C10orf71: variants seen among roughly 807,000 people sequenced by gnomAD.
C10orf71 encodes the protein cardiac-enriched FHL2-interacting protein.
For synonymous variants in C10orf71, 758 were observed against 726.3 expected (o/e 1.04, Z -0.70); for missense variants, 1,869 against 1,804.5 (o/e 1.04, Z -0.65).
intron 1 of C10orf71, among the ~76,000 whole-genome samples, chr10:49,312,350 C>T (rs768426549): frequency 2.9e-4 from 44 of 152,176 alleles, no homozygotes; most frequent in Admixed American, 6.5e-5. Context: ...CCATCTGATG[C>T]AAGTTTGGCC....
chr10:49,319,731 T>TAC lies in C10orf71; in HGVS notation c.-144-2670_-144-2669insCA, dbSNP rs1432691227. On this transcript the variant is annotated intron_variant, in intron 2 of 2. Coordinates refer to ENST00000374144, the MANE Select transcript of C10orf71 (RefSeq NM_001135196.2). Reference sequence around the variant, plus strand: ...ATATATATATATATATATATATATATATACACATACATATATGTGGGTGTA... The same window carrying TAC: ...ATATATATATATATATATATATATATACATACACATACATATATGTGGGTGTA... 1.8e-3 allele frequency among the ~76,000 whole-genome samples: 209 copies of TAC among 119,078 alleles called. 11 individuals are homozygous for TAC. The highest frequency in any genetic ancestry group is 9.1e-3 in the Middle Eastern group (2 of 220). The allele number at this position is 119,078 out of a possible 152,430, so 78.1% of individuals were successfully genotyped here.
At chr10:49,311,363 C>A (rs1198349203) in intron 1 of C10orf71, among the ~76,000 whole-genome samples, 4 of 152,226 alleles carry the variant, frequency 2.6e-5, no homozygotes, top group Non-Finnish European at 5.9e-5. Context: ...ACTGCATGAC[C>A]TTCTCAGGCC....
intron 1 of C10orf71, among the ~76,000 whole-genome samples, chr10:49,309,510 T>A (rs557204418): frequency 1.4e-4 from 21 of 152,296 alleles, no homozygotes; most frequent in Admixed American, 8.5e-4. Flanking sequence ...AAATGTCGAT[T>A]TTAAGCCTCC....
At position 49,324,354 on chromosome 10, in the gene C10orf71, T is replaced by C. The variant is rs749609131; in HGVS notation, c.1809T>C (p.Tyr603=). 1.2e-6 allele frequency: 2 copies of C among 1,613,792 alleles called. No individual in the cohort carries two copies. Among genetic ancestry groups the C allele is most frequent in the Non-Finnish European group, 1.7e-6 (2 of 1,179,836 alleles). Residue 603 remains tyrosine, a synonymous_variant, in exon 3 of 3, where the codon TAT becomes TAC. Coordinates refer to ENST00000374144, the MANE Select transcript of C10orf71 (RefSeq NM_001135196.2). ...TAPTIAKAPF[Y]VNGEAAERSS... ...CGACTATCGCCAAAGCCCCCTTCTA[T>C]GTCAATGGGGAGGCTGCTGAGAGAA...
chr10:49,323,911 G>A lies in C10orf71; in HGVS notation c.1366G>A (p.Ala456Thr), dbSNP rs201075807. Reference sequence around the variant, plus strand: ...GACCCCCATCATACCCAGCAAGCACGCCCTGGATTCAGCAGACAGCCAGCC... The same window carrying A: ...GACCCCCATCATACCCAGCAAGCACACCCTGGATTCAGCAGACAGCCAGCC... Reference protein sequence around the residue: ...LLTPIIPSKHALDSADSQPAE... With the variant: ...LLTPIIPSKHTLDSADSQPAE... Residue 456 changes from alanine (A) to threonine (T), a missense_variant, in exon 3 of 3, where the codon GCC becomes ACC. By Grantham distance (58) the Ala-to-Thr change is moderately conservative (BLOSUM62 0). Transcript: ENST00000374144. 251 of 1,612,854 alleles carry A rather than the reference G, an allele frequency of 1.6e-4. No homozygotes were observed. The highest frequency in any genetic ancestry group is 6.4e-5 in the Non-Finnish European group (76 of 1,179,718).
intron 2 of C10orf71, among the ~76,000 whole-genome samples, chr10:49,319,682 C>CTATATATATATA (rs60174377): frequency 2.5e-5 from 3 of 117,786 alleles, no homozygotes; most frequent in African/African-American, 7.3e-5. Flanking sequence ...CACACACAAG[C>CTATATATATATA]TATATATATA....
intron 1 of C10orf71, among the ~76,000 whole-genome samples, chr10:49,314,320 C>T (rs1334551550): frequency 2.6e-5 from 4 of 152,200 alleles, no homozygotes. Flanking sequence ...TATTTCTATG[C>T]ATTCATGACC....
At position 49,325,499 on chromosome 10, in the gene C10orf71, G is replaced by T; in HGVS notation, c.2954G>T (p.Cys985Phe). 1.3e-6 allele frequency: 2 copies of T among 1,550,726 alleles called. No individual in the cohort carries two copies. The highest frequency in any genetic ancestry group is 8.7e-7 in the Non-Finnish European group (1 of 1,146,296). ...DAAPGLVASN[C>F]KSGSADSGKL... ...GCACCTGGCCTCGTGGCAAGCAATT[G>T]CAAGAGCGGTTCTGCAGACTCAGGG... The change falls in exon 3 of 3, where the codon TGC becomes TTC. Residue 985 changes from cysteine to phenylalanine, a missense_variant. By Grantham distance (205) the Cys-to-Phe change is radical. Coordinates refer to ENST00000374144, the MANE Select transcript of C10orf71 (RefSeq NM_001135196.2).
chr10:49,323,069 A>C lies in C10orf71; in HGVS notation c.524A>C (p.Lys175Thr), dbSNP rs1849127594. The change falls in exon 3 of 3, where the codon AAA becomes ACA. Residue 175 changes from lysine to threonine, a missense_variant. Coordinates refer to ENST00000374144, the MANE Select transcript of C10orf71 (RefSeq NM_001135196.2). ...CCTCCGGCTCTGAAAAATCCTCCCA[A>C]ATTCGCTCCTCTTCCAGAAAACAGT... ...SKPPALKNPP[K>T]FAPLPENSVN... 2 of 1,613,860 alleles carry C rather than the reference A, an allele frequency of 1.2e-6. No individual in the cohort carries two copies. The highest frequency in any genetic ancestry group is 2.2e-5 in the South Asian group (2 of 91,058).
rs1005636697 is a variant in C10orf71, at chr10:49,326,314, C to T, written c.3769C>T (p.Arg1257Trp). ...VSGFSEPVGR[R>W]PGGPQSLTPL... ...CGGCTTCTCGGAGCCTGTCGGGAGG[C>T]GGCCCGGGGGCCCCCAGTCCCTCAC... The change falls in exon 3 of 3, where the codon CGG (arginine) becomes TGG (tryptophan). Residue 1257 changes from arginine (R) to tryptophan (W), a missense_variant. Physicochemically the swap from Arg to Trp is moderately radical, Grantham distance 101. Transcript: ENST00000374144. 23 of 1,549,240 alleles carry T rather than the reference C, an allele frequency of 1.5e-5. No homozygotes were observed. The highest frequency in any genetic ancestry group is 1.9e-5 in the Non-Finnish European group (22 of 1,146,242).
At chr10:49,300,626 G>A (rs1848712394) in intron 1 of C10orf71, among the ~76,000 whole-genome samples, 1 of 152,164 alleles carries the variant, frequency 6.6e-6, no homozygotes, top group Non-Finnish European at 1.5e-5. Context: ...CTGTCACGGT[G>A]CTGGGAGGGT....
upstream of C10orf71, among the ~76,000 whole-genome samples, chr10:49,297,460 C>G (rs1383547346): frequency 6.6e-6 from 1 of 152,056 alleles, no homozygotes; most frequent in Non-Finnish European, 1.5e-5. Context: ...AGAAAAAAAG[C>G]AAGTCAATTT....
In C10orf71 at chr10:49,322,386, C is replaced by G. The variant is rs1334604131; in HGVS notation, c.-144-16C>G. 44 of 803,682 alleles carry G rather than the reference C, an allele frequency of 5.5e-5. No individual in the cohort carries two copies. Among genetic ancestry groups the G allele is most frequent in the Non-Finnish European group, 8.1e-5 (43 of 529,670 alleles). The allele number at this position is 803,682 out of a possible 1,614,324, so 49.8% of individuals were successfully genotyped here. On this transcript the variant is annotated splice_polypyrimidine_tract_variant and intron_variant, in intron 2 of 2. Transcript: ENST00000374144. ...CTGTATACTTTGTTCACGCCCTGCACCTTTTTCTTTTGCAGAGAAAAAAAA... is the reference window on the plus strand; with the variant it reads ...CTGTATACTTTGTTCACGCCCTGCAGCTTTTTCTTTTGCAGAGAAAAAAAA...
rs766572381 is a variant in C10orf71, at chr10:49,325,485, C to T, written c.2940C>T (p.Leu980=). ...CACCACCAGATGCTGCACCTGGCCT[C>T]GTGGCAAGCAATTGCAAGAGCGGTT... ...VKAPPDAAPG[L]VASNCKSGSA... The change falls in exon 3 of 3, where the codon CTC becomes CTT. Residue 980 remains leucine (L), a synonymous_variant. Transcript: ENST00000374144. 1.9e-6 allele frequency: 3 copies of T among 1,550,518 alleles called. No homozygotes were observed. Among genetic ancestry groups the T allele is most frequent in the East Asian group, 2.4e-5 (1 of 40,904 alleles).
In C10orf71 at chr10:49,324,580, G is replaced by A. The variant is rs769072420; in HGVS notation, c.2035G>A (p.Glu679Lys). ...ENGLSRSVSQETEPEREAGLQ... is the reference protein window; with the variant it reads ...ENGLSRSVSQKTEPEREAGLQ... Reference sequence around the variant, plus strand: ...TGGGCTCTCCAGATCTGTGTCCCAAGAGACAGAACCTGAGAGGGAAGCAGG... The same window carrying A: ...TGGGCTCTCCAGATCTGTGTCCCAAAAGACAGAACCTGAGAGGGAAGCAGG... The change falls in exon 3 of 3, where the codon GAG becomes AAG. Residue 679 changes from glutamate to lysine, a missense_variant. By Grantham distance (56) the Glu-to-Lys change is moderately conservative. Coordinates refer to ENST00000374144, the MANE Select transcript of C10orf71 (RefSeq NM_001135196.2). The A allele has an allele frequency of 6.2e-7, 1 of 1,613,946 alleles. No homozygotes were observed. Among genetic ancestry groups the A allele is most frequent in the South Asian group, 1.1e-5 (1 of 91,064 alleles).
intron 1 of C10orf71, among the ~76,000 whole-genome samples, chr10:49,313,824 A>T (rs1249871728): frequency 1.3e-5 from 2 of 152,196 alleles, no homozygotes; most frequent in Non-Finnish European, 2.9e-5. Context: ...AGACAGGGGC[A>T]CCGAGTTGCC....
At position 49,325,289 on chromosome 10, in the gene C10orf71, G is replaced by A. The variant is rs765195496; in HGVS notation, c.2744G>A (p.Gly915Asp). The change falls in exon 3 of 3, where the codon GGT becomes GAT. Residue 915 changes from glycine to aspartate, a missense_variant. Physicochemically the swap from Gly to Asp is moderately conservative, Grantham distance 94 (BLOSUM62 -1). Coordinates refer to ENST00000374144, the MANE Select transcript of C10orf71 (RefSeq NM_001135196.2). ...GCCCCCGAAAACCAGGACATTCTTG[G>A]TACATCGACACCCACTAACACACGG... The part of the protein sequence containing the change: ...FCAPENQDIL[G>D]TSTPTNTRGT... The A allele has an allele frequency of 1.5e-5, 24 of 1,551,614 alleles. No homozygotes were observed. Among genetic ancestry groups the A allele is most frequent in the East Asian group, 2.4e-5 (1 of 40,920 alleles).
chr10:49,313,418 G>C (rs1848948922), intron 1 of C10orf71, among the ~76,000 whole-genome samples: 5 of 152,322 alleles, frequency 3.3e-5, no homozygotes, highest in Admixed American at 2.6e-4. Context: ...AGGTGTGTTT[G>C]GAAAGAGAGG....
chr10:49,318,667 T>G lies in C10orf71; in HGVS notation c.-145+2420T>G, dbSNP rs183469431. Among the ~76,000 whole-genome samples the G allele has an allele frequency of 2.3e-3, 347 of 152,304 alleles. 1 individual carries two copies. Among genetic ancestry groups the G allele is most frequent in the African/African-American group, 7.7e-3 (320 of 41,574 alleles). ...AAGGGACGGAAACAACAGACCCCAA[T>G]GAAGCCTGGCCTCCAGGATTAAAGA... On this transcript the variant is annotated intron_variant, in intron 2 of 2. Transcript: ENST00000374144.
Sources: gnomAD v4.1 joint callset for allele counts (sites outside exome capture counted in the v4.1 genomes callset) on GRCh38, gnomAD v4.1.1 for gene constraint, MANE v1.5 for transcripts, NCBI Gene and HGNC (gene_info 2026-07-23, HGNC 2026-07-21) for gene names.